Variants in RAPGEF4 observed in about 807,000 individuals in gnomAD.
RAPGEF4 encodes the protein RAP guanine-nucleotide-exchange factor (GEF) 4.
A neutral mutation model predicts 147.9 loss-of-function variants in RAPGEF4; 66 were observed. The ratio of observed to expected loss-of-function variants is 0.45; its 90% CI spans 0.37 to 0.55. The LOEUF (loss-of-function observed/expected upper bound fraction) is 0.55, where lower values mean the gene tolerates loss of function less well. Ranked by LOEUF, RAPGEF4 falls within the 20% of genes least tolerant of loss-of-function variation. The probability of loss-of-function intolerance (pLI) is 0.00; values close to 1 mark genes in which losing one functional copy is unlikely to be tolerated. For synonymous variants in RAPGEF4, 419 were observed against 442.7 expected, an observed-to-expected ratio of 0.95 and a Z score of 0.67; for missense variants, 1,071 against 1,257.3, an observed-to-expected ratio of 0.85 and a Z score of 2.24.
intron 4 of RAPGEF4, among the ~76,000 whole-genome samples, chr2:172,855,780 T>C (rs1173660609): frequency 1.3e-5 from 2 of 152,214 alleles, no homozygotes; most frequent in Non-Finnish European, 2.9e-5. Context: ...GTCATTCCAT[T>C]ATCTTCTATT....
chr2:172,740,541 G>T (rs531495618), intron 1 of RAPGEF4, among the ~76,000 whole-genome samples: 42 of 152,310 alleles, frequency 2.8e-4, no homozygotes, highest in African/African-American at 1.0e-3. Flanking sequence ...TCGAGTGAAA[G>T]AAATCAAGAA....
chr2:172,940,800 A>G (rs142800789), intron 6 of RAPGEF4, among the ~76,000 whole-genome samples: 125 of 152,314 alleles, frequency 8.2e-4, no homozygotes, highest in African/African-American at 2.6e-3. Context: ...CATTGGATCT[A>G]TAGATCAAGC....
intron 1 of RAPGEF4, among the ~76,000 whole-genome samples, chr2:172,749,890 T>C (rs549283091): frequency 7.9e-5 from 12 of 152,156 alleles, no homozygotes; most frequent in Non-Finnish European, 1.6e-4. Context: ...CCCCCTCAAA[T>C]TCAAAGTTCC....
chr2:173,043,237 G>A (rs898618359), intron 29 of RAPGEF4, among the ~76,000 whole-genome samples: 4 of 152,238 alleles, frequency 2.6e-5, no homozygotes, highest in Non-Finnish European at 5.9e-5. Context: ...CATAGGTCTG[G>A]AGACAGAATC....
chr2:172,815,412 G>A (rs1225903267), intron 4 of RAPGEF4, among the ~76,000 whole-genome samples: 1 of 152,224 alleles, frequency 6.6e-6, no homozygotes, highest in Admixed American at 6.5e-5. Context: ...ATTCTTGGCA[G>A]TAGTGAATAA....
chr2:172,780,694 T>C (rs914792711), intron 1 of RAPGEF4, among the ~76,000 whole-genome samples: 1 of 152,224 alleles, frequency 6.6e-6, no homozygotes, highest in Admixed American at 6.5e-5. Context: ...TATCTCATTT[T>C]TTCTTTGCAT....
intron 29 of RAPGEF4, 44 bp downstream of exon 29, chr2:173,036,736 TA>T (rs758100082): frequency 7.0e-7 from 1 of 1,426,338 alleles, no homozygotes. Flanking sequence ...GTTTTTAAAA[TA>T]AAATTTGCAT....
At chr2:172,890,642 C>T (rs1697793889) in intron 4 of RAPGEF4, among the ~76,000 whole-genome samples, 1 of 152,202 alleles carries the variant, frequency 6.6e-6, no homozygotes. Flanking sequence ...CTAGCATCTT[C>T]AAACCTAGAC....
At chr2:172,762,652 G>T (rs1457136397) in intron 1 of RAPGEF4, among the ~76,000 whole-genome samples, 1 of 152,186 alleles carries the variant, frequency 6.6e-6, no homozygotes, top group Admixed American at 6.5e-5. Context: ...CCTGGCTGTT[G>T]AGCAACAACT....
intron 4 of RAPGEF4, among the ~76,000 whole-genome samples, chr2:172,892,909 C>T (rs1698084693): frequency 6.6e-6 from 1 of 152,192 alleles, no homozygotes; most frequent in South Asian, 2.1e-4. Context: ...TGCATTGGTC[C>T]AACTGTGGCA....
chr2:172,973,929 T>C (rs1690787710), intron 10 of RAPGEF4, among the ~76,000 whole-genome samples: 1 of 152,192 alleles, frequency 6.6e-6, no homozygotes, highest in Non-Finnish European at 1.5e-5. Context: ...TACCAGTTTA[T>C]CATTATATCA....
chr2:173,046,844 C>G (rs1176720402), intron 29 of RAPGEF4, among the ~76,000 whole-genome samples: 1 of 152,180 alleles, frequency 6.6e-6, no homozygotes, highest in Non-Finnish European at 1.5e-5. Flanking sequence ...TTCAGGCTTG[C>G]TAGAGTCCTC....
intron 4 of RAPGEF4, among the ~76,000 whole-genome samples, chr2:172,888,437 G>A (rs56156353): frequency 0.053 from 8,119 of 152,288 alleles, 284 homozygotes; most frequent in South Asian, 0.08. Flanking sequence ...TAATTGGAGA[G>A]TTATTAGTAA....
At chr2:172,756,677 G>T (rs1675322613) in intron 1 of RAPGEF4, among the ~76,000 whole-genome samples, 2 of 152,180 alleles carry the variant, frequency 1.3e-5, no homozygotes, top group South Asian at 4.1e-4. Context: ...TCACAGGATG[G>T]TAGGGCACTG....
intron 4 of RAPGEF4, chr2:172,893,851 A>G (rs1220136727): frequency 2.6e-5 from 4 of 152,254 alleles, no homozygotes; most frequent in African/African-American, 9.7e-5. Flanking sequence ...ACCTCCTGCC[A>G]CTACCAGTGT....
chr2:173,021,921 G>A (rs1016825789), intron 23 of RAPGEF4, among the ~76,000 whole-genome samples: 2 of 152,124 alleles, frequency 1.3e-5, no homozygotes, highest in African/African-American at 4.8e-5. Context: ...CCATAAGCAC[G>A]CTCACCTTTC....
chr2:172,852,504 T>G (rs564244641), intron 4 of RAPGEF4, among the ~76,000 whole-genome samples: 3 of 152,320 alleles, frequency 2.0e-5, no homozygotes, highest in African/African-American at 7.2e-5. Flanking sequence ...AACAACTATA[T>G]GAGGTAGGTA....
At chr2:173,046,423 G>A (rs894983379) in intron 29 of RAPGEF4, among the ~76,000 whole-genome samples, 15 of 152,128 alleles carry the variant, frequency 9.9e-5, no homozygotes, top group Admixed American at 3.3e-4. Flanking sequence ...AAATGGTATA[G>A]GAAGAGGTTT....
At chr2:172,877,729 A>G (rs1441233154) in intron 4 of RAPGEF4, among the ~76,000 whole-genome samples, 1 of 152,032 alleles carries the variant, frequency 6.6e-6, no homozygotes, top group East Asian at 1.9e-4. Flanking sequence ...TGTATTCTGG[A>G]AAGCACCCAG....
Sources: allele counts gnomAD v4.1 joint callset (sites outside exome capture counted in the v4.1 genomes callset), GRCh38; gene constraint gnomAD v4.1.1; transcripts MANE v1.5; gene names NCBI Gene and HGNC (gene_info 2026-07-23, HGNC 2026-07-21).